WTIP: variants seen among roughly 807,000 people sequenced by gnomAD.
The protein encoded by WTIP is Wilms tumor protein 1-interacting protein.
WTIP carries 23 observed loss-of-function variants against 41.7 expected under a neutral mutation model. The observed-to-expected ratio is 0.55, with a 90% confidence interval of 0.40 to 0.78. The LOEUF is 0.78. Among genes scored for constraint, WTIP ranks in the 30% least tolerant of loss-of-function variants. The pLI is 0.00. For missense variants in WTIP, 619 were observed against 610.5 expected (o/e 1.01, Z -0.15); for synonymous variants, 314 against 269.9 (o/e 1.16, Z -1.60).
chr19:34,483,671 C>T (rs1252611152), intron 1 of WTIP, among the ~76,000 whole-genome samples: 2 of 152,228 alleles, frequency 1.3e-5, no homozygotes, highest in African/African-American at 2.4e-5. Flanking sequence ...GCCTCACAGC[C>T]TCCACTTCCC....
At chr19:34,490,948 A>G (rs1381326424) in intron 2 of WTIP, among the ~76,000 whole-genome samples, 3 of 151,464 alleles carry the variant, frequency 2.0e-5, no homozygotes, top group East Asian at 1.9e-4. Flanking sequence ...CAGCCTCCCA[A>G]GTAGCTGGGA....
At chr19:34,491,180 T>C (rs973595577) in intron 2 of WTIP, among the ~76,000 whole-genome samples, 2 of 152,238 alleles carry the variant, frequency 1.3e-5, no homozygotes, top group African/African-American at 4.8e-5. Context: ...ATAAGTGTTA[T>C]AGTTTAACCT....
rs1015709877 is a variant in WTIP, at chr19:34,487,576, G to A, written c.668-2800G>A. 3.9e-5 allele frequency among the ~76,000 whole-genome samples: 6 copies of A among 152,316 alleles called. 1 individual carries two copies. The highest frequency in any genetic ancestry group is 1.3e-4 in the Admixed American group (2 of 15,300). On this transcript the variant is annotated intron_variant, in intron 1 of 7. Transcript: ENST00000590071. ...CCAGAGAGGAAGAGGTGGGCCACCC[G>A]ATAGCAAGATCAGAATGGAAAGTCC...
At chr19:34,484,646 C>T (rs1426775121) in intron 1 of WTIP, among the ~76,000 whole-genome samples, 1 of 152,016 alleles carries the variant, frequency 6.6e-6, no homozygotes, top group Admixed American at 6.5e-5. Context: ...ACTGCAGAGC[C>T]CGGGGGAGGG....
rs2075931106 is a variant in WTIP at position 34,511,065 on chromosome 19, T to C, written c.*10796T>C. 6.6e-6 allele frequency: 1 copy of C among 152,474 alleles called. No individual in the cohort carries two copies. The highest frequency in any genetic ancestry group is 2.4e-5 in the African/African-American group (1 of 41,458). The allele number at this position is 152,474 out of a possible 1,614,324, so 9.4% of individuals were successfully genotyped here. ...CCCAGTTCCAAAGTTGCTTCCACAT[T>C]TTCGGGTATGTTTTCAGCAACACCC... On this transcript the variant is annotated 3_prime_UTR_variant, in exon 8 of 8. Transcript: ENST00000590071.
rs1354118848 is a variant in WTIP at position 34,510,563 on chromosome 19, CA to C, written c.*10295del. On this transcript the variant is annotated 3_prime_UTR_variant, in exon 8 of 8. Transcript: ENST00000590071. Reference sequence around the variant, plus strand: ...TTTTCCCCATTGTCTTGGGGTTAAACATTCCCCTCCTTGTTACTTATGCAAA... The same window carrying C: ...TTTTCCCCATTGTCTTGGGGTTAAACTTCCCCTCCTTGTTACTTATGCAAA... The C allele has an allele frequency of 1.3e-5, 2 of 152,166 alleles. No individual in the cohort carries two copies. Among genetic ancestry groups the C allele is most frequent in the African/African-American group, 4.8e-5 (2 of 41,432 alleles). 9.4% of individuals were successfully genotyped at this position (152,166 alleles called of 1,614,324 possible).
chr19:34,501,385 G>T lies in WTIP; in HGVS notation c.*1116G>T, dbSNP rs999951152. ...GTGTGTCCGGGTGTTAAGGGCGGTC[G>T]CCCCATGAAATGCAGTGTGGAGGTC... On this transcript the variant is annotated 3_prime_UTR_variant, in exon 8 of 8. Coordinates refer to ENST00000590071, the MANE Select transcript of WTIP (RefSeq NM_001080436.2). 1.3e-5 allele frequency: 2 copies of T among 152,220 alleles called. No homozygotes were observed. 9.4% of individuals were successfully genotyped at this position (152,220 alleles called of 1,614,324 possible).
chr19:34,497,151 C>T (rs2075858787), intron 7 of WTIP, among the ~76,000 whole-genome samples: 1 of 152,144 alleles, frequency 6.6e-6, no homozygotes, highest in African/African-American at 2.4e-5. Context: ...GCTTGAGCCA[C>T]CACACCAGGC....
At position 34,501,580 on chromosome 19, in the gene WTIP, C is replaced by T. The variant is rs1441975905; in HGVS notation, c.*1311C>T. The T allele has an allele frequency of 1.3e-5, 2 of 152,612 alleles. No individual in the cohort carries two copies. Among genetic ancestry groups the T allele is most frequent in the Non-Finnish European group, 2.9e-5 (2 of 68,354 alleles). 9.5% of individuals were successfully genotyped at this position (152,612 alleles called of 1,614,324 possible). A position where few individuals can be genotyped will look rare whatever the true frequency, so the allele number is the denominator to read the frequency against. On this transcript the variant is annotated 3_prime_UTR_variant, in exon 8 of 8. Coordinates refer to ENST00000590071, the MANE Select transcript of WTIP (RefSeq NM_001080436.2). ...TGCTGCTCTCCCCTTCCTCCCCCAC[C>T]GTCAGGTGTGAGTTCTGTGAATCAC...
intron 2 of WTIP, among the ~76,000 whole-genome samples, chr19:34,491,296 C>G (rs1304590125): frequency 2.0e-5 from 3 of 151,924 alleles, no homozygotes; most frequent in Admixed American, 1.3e-4. Flanking sequence ...AATCAGACAT[C>G]TTTTATGTAT....
rs1170176717 is a variant in WTIP at position 34,510,315 on chromosome 19, A to G, written c.*10046A>G. On this transcript the variant is annotated 3_prime_UTR_variant, in exon 8 of 8. Coordinates refer to ENST00000590071, the MANE Select transcript of WTIP (RefSeq NM_001080436.2). ...TTGACTTCTGTACACCCGCAGGCTC[A>G]ACACCACATGGTAGCTGCCAAGGTT... 6.6e-6 allele frequency: 1 copy of G among 152,202 alleles called. No individual in the cohort carries two copies. The highest frequency in any genetic ancestry group is 1.5e-5 in the Non-Finnish European group (1 of 68,042). The allele number at this position is 152,202 out of a possible 1,614,324, so 9.4% of individuals were successfully genotyped here. A position where few individuals can be genotyped will look rare whatever the true frequency, so the allele number is the denominator to read the frequency against.
At chr19:34,485,545 G>A (rs778461519) in intron 1 of WTIP, among the ~76,000 whole-genome samples, 1 of 151,948 alleles carries the variant, frequency 6.6e-6, no homozygotes, top group Non-Finnish European at 1.5e-5. Context: ...AAGCTCGAGT[G>A]ATCTCTGATA....
chr19:34,497,239 G>A (rs1033924212), intron 7 of WTIP, among the ~76,000 whole-genome samples: 1 of 152,126 alleles, frequency 6.6e-6, no homozygotes, highest in African/African-American at 2.4e-5. Flanking sequence ...AGACCACGGG[G>A]CTCCCCTGGG....
rs774331607 is a variant in WTIP at position 34,493,309 on chromosome 19, A to G, written c.884A>G (p.His295Arg). 1.1e-5 allele frequency: 18 copies of G among 1,613,108 alleles called. No homozygotes were observed. In the Admixed American group the frequency reaches 2.7e-4, roughly 24 times the overall value. The change falls in exon 4 of 8, where the codon CAT (histidine) becomes CGT (arginine). Residue 295 changes from histidine to arginine, a missense_variant. This residue lies in a region of WTIP where 164 missense variants were observed against 219.1 expected (regional missense o/e 0.75). Transcript: ENST00000590071. This position sits in a 1 kb window ranked among gnomAD's most constrained non-coding sequence, Gnocchi z 4.1. Reference sequence around the variant, plus strand: ...GCCGACAAATGCAGCGTGTGTGGACATCTCATCATGGAAATGGTGAGCCCC... The same window carrying G: ...GCCGACAAATGCAGCGTGTGTGGACGTCTCATCATGGAAATGGTGAGCCCC... ...QTADKCSVCGHLIMEMILQAL... is the reference protein window; with the variant it reads ...QTADKCSVCGRLIMEMILQAL...
chr19:34,489,278 T>A (rs1291818818), intron 1 of WTIP, among the ~76,000 whole-genome samples: 1 of 151,672 alleles, frequency 6.6e-6, no homozygotes, highest in Non-Finnish European at 1.5e-5. Flanking sequence ...ACTGCTGTTC[T>A]CTGCCACCTT....
chr19:34,483,846 G>A (rs1340875439), intron 1 of WTIP, among the ~76,000 whole-genome samples: 1 of 151,604 alleles, frequency 6.6e-6, no homozygotes, highest in African/African-American at 2.4e-5. Flanking sequence ...GCCTGGGACC[G>A]TGGCTGTCCT....
intron 7 of WTIP, among the ~76,000 whole-genome samples, chr19:34,496,682 T>C (rs1355419425): frequency 1.7e-5 from 1 of 60,400 alleles, no homozygotes; most frequent in African/African-American, 6.7e-5. Flanking sequence ...GGTTGGGGGT[T>C]GGGGGTTGGG....
intron 1 of WTIP, among the ~76,000 whole-genome samples, chr19:34,485,230 GTAC>G (rs2075791502): frequency 6.6e-6 from 1 of 151,982 alleles, no homozygotes; most frequent in South Asian, 2.1e-4. Flanking sequence ...TTACAGGTGC[GTAC>G]CGCCATGCCC....
intron 7 of WTIP, among the ~76,000 whole-genome samples, chr19:34,498,262 CT>C (rs768145683): frequency 3.0e-4 from 46 of 152,268 alleles, no homozygotes; most frequent in Middle Eastern, 3.4e-3. Flanking sequence ...AGCCCGCCCC[CT>C]GCTTCCCAGG....
Sources: gnomAD v4.1 joint callset for allele counts (sites outside exome capture counted in the v4.1 genomes callset) on GRCh38, gnomAD v4.1.1 for gene constraint, gnomAD v4.1.1 regional missense constraint, Gnocchi (gnomAD v3.1) non-coding constraint, MANE v1.5 for transcripts, NCBI Gene and HGNC (gene_info 2026-07-23, HGNC 2026-07-21) for gene names.